The following PXK variants were observed in gnomAD, a reference collection of about 807,000 sequenced individuals.
PXK encodes the protein PX domain containing serine/threonine kinase like.
PXK carries 35 observed loss-of-function variants against 84.7 expected under a neutral mutation model. The observed-to-expected ratio is 0.41, with a 90% CI of 0.32 to 0.55. The LOEUF is 0.55. Among genes scored for constraint, PXK ranks in the 20% least tolerant of loss-of-function variants. The pLI, the probability that PXK is intolerant of heterozygous loss-of-function variation, is 0.21. For synonymous variants in PXK, 253 were observed against 260.8 expected, an observed-to-expected ratio of 0.97 and a Z score of 0.29; for missense variants, 634 against 699.7, an observed-to-expected ratio of 0.91 and a Z score of 1.06.
At chr3:58,344,690 T>C (rs2097787101) in intron 1 of PXK, among the ~76,000 whole-genome samples, 1 of 152,206 alleles carries the variant, frequency 6.6e-6, no homozygotes, top group African/African-American at 2.4e-5. Context: ...TAGCCAGTTA[T>C]GGTGGTGGGC....
At chr3:58,356,432 G>A (rs530013438) in intron 1 of PXK, among the ~76,000 whole-genome samples, 86 of 152,204 alleles carry the variant, frequency 5.7e-4, no homozygotes, top group Admixed American at 1.4e-3. Context: ...GTTCCACATC[G>A]GAGAGGGCAG....
chr3:58,359,394 G>T (rs893827905), intron 1 of PXK, among the ~76,000 whole-genome samples: 2 of 151,926 alleles, frequency 1.3e-5, no homozygotes, highest in African/African-American at 4.8e-5. Context: ...GCCAGGCATG[G>T]TGGTGCGTGC....
chr3:58,354,448 G>GT (rs1201406097), intron 1 of PXK, among the ~76,000 whole-genome samples: 1,907 of 143,202 alleles, frequency 0.013, 30 homozygotes, highest in African/African-American at 0.034. Flanking sequence ...CTGCTTCCTA[G>GT]TTTTTTTTTT....
At position 58,333,768 on chromosome 3, in the gene PXK, A is replaced by G. The variant is rs529686311; in HGVS notation, c.102+678A>G. ...TGAGTTTAAAATCCACTCGAGTAGC[A>G]TAAAGGAGTAATAGGTCCTCATAGT... On this transcript the variant is annotated intron_variant, in intron 1 of 17. Coordinates refer to ENST00000356151, the MANE Select transcript of PXK (RefSeq NM_017771.5). This position sits in a 1 kb window ranked among gnomAD's most constrained non-coding sequence, Gnocchi z 5.4. 5.1e-6 allele frequency: 2 copies of G among 395,824 alleles called. No homozygotes were observed. Among genetic ancestry groups the G allele is most frequent in the Non-Finnish European group, 1.0e-5 (2 of 195,434 alleles). The allele number at this position is 395,824 out of a possible 1,614,324, so 24.5% of individuals were successfully genotyped here. A position where few individuals can be genotyped will look rare whatever the true frequency, so the allele number is the denominator to read the frequency against.
At chr3:58,371,680 A>T (rs2098373782) in intron 3 of PXK, among the ~76,000 whole-genome samples, 1 of 152,206 alleles carries the variant, frequency 6.6e-6, no homozygotes, top group African/African-American at 2.4e-5. Context: ...CTCTTCACTT[A>T]TGGCCTTTTT....
Position 58,333,104 on chromosome 3 carries a change from C to A in PXK, c.102+14C>A, listed in dbSNP as rs2097523854. On this transcript the variant is annotated intron_variant, in intron 1 of 17. Coordinates refer to ENST00000356151, the MANE Select transcript of PXK (RefSeq NM_017771.5). This position sits in a 1 kb window ranked among gnomAD's most constrained non-coding sequence, Gnocchi z 5.4. ...CAGTCCCACACGGTGCGCGGCCCAG[C>A]GGGCGGGCGGGCGGCGTGGGGCGGC... The A allele has an allele frequency of 2.7e-6, 3 of 1,116,816 alleles. No homozygotes were observed. Among genetic ancestry groups the A allele is most frequent in the East Asian group, 5.1e-5 (1 of 19,720 alleles). 69.2% of individuals were successfully genotyped at this position (1,116,816 alleles called of 1,614,324 possible). A position where few individuals can be genotyped will look rare whatever the true frequency, so the allele number is the denominator to read the frequency against.
At chr3:58,395,595 A>T in intron 8 of PXK, 63 bp from the exon 9 acceptor site, 1 of 1,265,200 alleles carries the variant, frequency 7.9e-7, no homozygotes, top group Non-Finnish European at 1.1e-6. Context: ...CTGGTCAGGG[A>T]GTCTGTGTGC....
intron 3 of PXK, among the ~76,000 whole-genome samples, chr3:58,381,698 G>C (rs1184756412): frequency 6.6e-6 from 1 of 152,138 alleles, no homozygotes; most frequent in Non-Finnish European, 1.5e-5. Context: ...AGGAGGATTA[G>C]GGACAGGATG....
intron 1 of PXK, among the ~76,000 whole-genome samples, chr3:58,335,401 T>C (rs898444844): frequency 6.6e-6 from 1 of 152,202 alleles, no homozygotes; most frequent in Non-Finnish European, 1.5e-5. Flanking sequence ...CTGAAGTTTA[T>C]TGAGAAAATC....
At chr3:58,360,166 T>A (rs1466502487) in intron 1 of PXK, among the ~76,000 whole-genome samples, 1 of 152,126 alleles carries the variant, frequency 6.6e-6, no homozygotes, top group Non-Finnish European at 1.5e-5. Context: ...TTTGTCACAC[T>A]ACACAAGTCA....
intron 1 of PXK, among the ~76,000 whole-genome samples, chr3:58,342,065 G>T (rs1012667640): frequency 2.4e-4 from 35 of 148,874 alleles, no homozygotes; most frequent in African/African-American, 8.4e-4. Context: ...AACTCAGAAT[G>T]TTTTTTTTTT....
intron 3 of PXK, among the ~76,000 whole-genome samples, chr3:58,372,303 T>A (rs115668600): frequency 6.6e-6 from 1 of 152,030 alleles, no homozygotes; most frequent in South Asian, 2.1e-4. Context: ...GCTATCTAAG[T>A]GGAAAAACAG....
Position 58,414,737 on chromosome 3 carries a change from T to C in PXK, c.1528+1774T>C, listed in dbSNP as rs1416120112. On this transcript the variant is annotated intron_variant, in intron 17 of 17. Coordinates refer to ENST00000356151, the MANE Select transcript of PXK (RefSeq NM_017771.5). The surrounding 1 kb of genome is among the most constrained non-coding windows in gnomAD (Gnocchi z 4.5). The stretch of plus-strand genomic sequence containing the variant: ...AGCAAATATTGGCTCCTCCTTTCTT[T>C]TATCTCCTTAATGTTTTGTTGATGA... Among the ~76,000 whole-genome samples, 1 of 152,134 alleles carries C rather than the reference T, an allele frequency of 6.6e-6. No homozygotes were observed. Among genetic ancestry groups the C allele is most frequent in the African/African-American group, 2.4e-5 (1 of 41,402 alleles).
rs2058100925 is a variant in PXK at position 58,398,675 on chromosome 3, CAGAG to C, written c.1103-619_1103-616del. On this transcript the variant is annotated intron_variant, in intron 11 of 17. Coordinates refer to ENST00000356151, the MANE Select transcript of PXK (RefSeq NM_017771.5). This position sits in a 1 kb window ranked among gnomAD's most constrained non-coding sequence, Gnocchi z 4.5. ...GCCAGGCTGGCACCCACAGCTGGAGCAGAGAGAGGGGAGGGCAGGGTGGCTCTTG... is the reference window on the plus strand; with the variant it reads ...GCCAGGCTGGCACCCACAGCTGGAGCAGAGGGGAGGGCAGGGTGGCTCTTG... Among the ~76,000 whole-genome samples the C allele has an allele frequency of 6.6e-6, 1 of 152,160 alleles. No homozygotes were observed. The highest frequency in any genetic ancestry group is 1.5e-5 in the Non-Finnish European group (1 of 68,028).
intron 1 of PXK, among the ~76,000 whole-genome samples, chr3:58,358,739 A>G (rs2098131583): frequency 6.6e-6 from 1 of 152,176 alleles, no homozygotes; most frequent in South Asian, 2.1e-4. Flanking sequence ...AGGCATTACC[A>G]GATGTCTGCT....
In PXK at chr3:58,400,199, AT is replaced by A. The variant is rs2058344729; in HGVS notation, c.1181+825del. ...CCCACCTCAGAAGGTAGTTGGGAGGATTTAATGAGGTGATTCCTAGTAGGGA... is the reference window on the plus strand; with the variant it reads ...CCCACCTCAGAAGGTAGTTGGGAGGATTAATGAGGTGATTCCTAGTAGGGA... On this transcript the variant is annotated intron_variant, in intron 12 of 17. Coordinates refer to ENST00000356151, the MANE Select transcript of PXK (RefSeq NM_017771.5). The surrounding 1 kb of genome is among the most constrained non-coding windows in gnomAD (Gnocchi z 4.0). Among the ~76,000 whole-genome samples, 1 of 152,088 alleles carries A rather than the reference AT, an allele frequency of 6.6e-6. No individual in the cohort carries two copies. The highest frequency in any genetic ancestry group is 2.4e-5 in the African/African-American group (1 of 41,410).
chr3:58,364,377 G>C lies in PXK; in HGVS notation c.103-1497G>C, dbSNP rs566968798. On this transcript the variant is annotated intron_variant, in intron 1 of 17. Transcript: ENST00000356151. This position sits in a 1 kb window ranked among gnomAD's most constrained non-coding sequence, Gnocchi z 4.3. ...CATTGGGCCTTGATACATATTTGGC[G>C]GGGGGAGGGGAGCGGAGTTTTTTAG... 2.0e-5 allele frequency among the ~76,000 whole-genome samples: 3 copies of C among 152,064 alleles called. No individual in the cohort carries two copies. Among genetic ancestry groups the C allele is most frequent in the Non-Finnish European group, 4.4e-5 (3 of 68,000 alleles).
rs1576540295 is a variant in PXK at position 58,397,533 on chromosome 3, C to T, written c.985-72C>T. On this transcript the variant is annotated intron_variant, in intron 10 of 17. Coordinates refer to ENST00000356151, the MANE Select transcript of PXK (RefSeq NM_017771.5). This position sits in a 1 kb window ranked among gnomAD's most constrained non-coding sequence, Gnocchi z 4.7. ...CCTGGGCTTTGTTTCTCAGAGAAGC[C>T]TTGGGGCAGGAGCGCGAGGGTCCAC... 3.9e-6 allele frequency: 5 copies of T among 1,291,658 alleles called. No homozygotes were observed. Among genetic ancestry groups the T allele is most frequent in the East Asian group, 4.6e-5 (2 of 43,196 alleles). 80.0% of individuals were successfully genotyped at this position (1,291,658 alleles called of 1,614,324 possible).
intron 17 of PXK, chr3:58,413,169 C>G: frequency 1.6e-6 from 1 of 621,360 alleles, no homozygotes. Context: ...AGGGAATGGA[C>G]CGGTTTCAGG....
Sources: allele counts gnomAD v4.1 joint callset (sites outside exome capture counted in the v4.1 genomes callset), GRCh38; gene constraint gnomAD v4.1.1; non-coding constraint Gnocchi (gnomAD v3.1); transcripts MANE v1.5; gene names NCBI Gene and HGNC (gene_info 2026-07-23, HGNC 2026-07-21).